FGD6: variants seen among roughly 807,000 people sequenced by gnomAD.
FGD6 encodes FYVE, RhoGEF and PH domain containing 6, also known as FYVE, RhoGEF and PH domain-containing protein 6.
Under a neutral mutation model 149.4 loss-of-function variants are expected in FGD6, and 90 were observed. The observed-to-expected ratio is 0.60, with a 90% CI of 0.51 to 0.72. The LOEUF is 0.72. Among genes scored for constraint, FGD6 ranks in the 30% least tolerant of loss-of-function variants. FGD6 has a pLI of 0.00. For missense variants in FGD6, 1,437 were observed against 1,684.8 expected, an observed-to-expected ratio of 0.85 and a Z score of 2.57; for synonymous variants, 527 against 584.0, an observed-to-expected ratio of 0.90 and a Z score of 1.41.
chr12:95,171,766 C>T (rs192089742), intron 3 of FGD6, among the ~76,000 whole-genome samples: 245 of 152,186 alleles, frequency 1.6e-3, no homozygotes, highest in Middle Eastern at 3.4e-3. Flanking sequence ...CCACCCCCCT[C>T]GGTCTCCCAA....
chr12:95,106,396 G>A (rs1878626005), intron 13 of FGD6, among the ~76,000 whole-genome samples: 6 of 151,104 alleles, frequency 4.0e-5, no homozygotes, highest in Admixed American at 2.0e-4. Context: ...TCAGCCTCCT[G>A]AGTAGCTGGG....
rs80190429 is a variant in FGD6, at chr12:95,101,532, T to C, written c.3497+3475A>G. On this transcript the variant is annotated intron_variant, in intron 14 of 20. Coordinates refer to ENST00000343958, the MANE Select transcript of FGD6 (RefSeq NM_018351.4). The stretch of plus-strand genomic sequence containing the variant: ...ACTGTTTTTCACCAAGGCTCATTTT[T>C]ACTTGGGAAATAGAAGTGCAATTAA... 9.1e-3 allele frequency among the ~76,000 whole-genome samples: 1,385 copies of C among 152,306 alleles called. 26 individuals carry two copies. The highest frequency in any genetic ancestry group is 0.031 in the African/African-American group (1,304 of 41,554).
intron 14 of FGD6, among the ~76,000 whole-genome samples, chr12:95,104,756 T>G (rs1878553615): frequency 6.6e-6 from 1 of 151,876 alleles, no homozygotes; most frequent in Admixed American, 6.6e-5. Context: ...AAAAAAATAT[T>G]TTTAAAGTTA....
intron 8 of FGD6, among the ~76,000 whole-genome samples, chr12:95,131,992 A>ATTGT (rs1879534555): frequency 6.6e-6 from 1 of 152,164 alleles, no homozygotes; most frequent in Non-Finnish European, 1.5e-5. Context: ...GTGAGCTGAG[A>ATTGT]TTGTGCCACT....
intron 2 of FGD6, among the ~76,000 whole-genome samples, chr12:95,199,614 C>CTTTTTT (rs35515272): frequency 2.3e-5 from 3 of 128,688 alleles, no homozygotes; most frequent in African/African-American, 5.9e-5. Context: ...GAAAAGCTAC[C>CTTTTTT]TTTTTTTTTT....
intron 8 of FGD6, among the ~76,000 whole-genome samples, chr12:95,116,034 G>A (rs919284211): frequency 1.9e-4 from 29 of 150,656 alleles, no homozygotes; most frequent in Admixed American, 6.0e-4. Context: ...AGCATCCCCC[G>A]CAAAATATAA....
intron 2 of FGD6, chr12:95,189,267 G>A (rs1881524721): frequency 6.6e-6 from 1 of 152,214 alleles, no homozygotes; most frequent in South Asian, 2.1e-4. Context: ...AATTTGTAGA[G>A]TACAAAAGAG....
chr12:95,211,881 T>C (rs1005728704), intron 1 of FGD6, among the ~76,000 whole-genome samples: 68 of 152,288 alleles, frequency 4.5e-4, no homozygotes, highest in East Asian at 3.9e-4. Flanking sequence ...TTGACTTCAG[T>C]TTGGGACCCA....
At chr12:95,140,306 T>G (rs939916850) in intron 6 of FGD6, among the ~76,000 whole-genome samples, 1 of 152,196 alleles carries the variant, frequency 6.6e-6, no homozygotes, top group Non-Finnish European at 1.5e-5. Context: ...ACCAACCTTT[T>G]GGTATTCTTT....
At chr12:95,180,183 T>C (rs1190188155) in intron 2 of FGD6, among the ~76,000 whole-genome samples, 1 of 151,954 alleles carries the variant, frequency 6.6e-6, no homozygotes, top group Non-Finnish European at 1.5e-5. Flanking sequence ...GTGCTCCTAT[T>C]TGTGTAGAGA....
intron 2 of FGD6, among the ~76,000 whole-genome samples, chr12:95,178,251 G>A (rs11609860): frequency 0.47 from 71,920 of 151,818 alleles, 17,392 homozygotes; most frequent in Admixed American, 0.56. Context: ...AAAAGCAACC[G>A]TCACGTATGC....
At chr12:95,205,611 C>T (rs1047069249) in intron 2 of FGD6, among the ~76,000 whole-genome samples, 1 of 152,182 alleles carries the variant, frequency 6.6e-6, no homozygotes, top group East Asian at 1.9e-4. Context: ...TTTTCAACAG[C>T]GAGATTACCA....
intron 2 of FGD6, among the ~76,000 whole-genome samples, chr12:95,178,494 A>G (rs1286687640): frequency 1.3e-5 from 2 of 152,230 alleles, no homozygotes; most frequent in African/African-American, 2.4e-5. Flanking sequence ...AAGGCTATGG[A>G]TGCTGATGTT....
Position 95,151,545 on chromosome 12 carries a change from G to C in FGD6, c.2685+1266C>G, listed in dbSNP as rs1224449114. On this transcript the variant is annotated intron_variant, in intron 5 of 20. Transcript: ENST00000343958. The stretch of plus-strand genomic sequence containing the variant: ...AGCCTCCCACAGTGCTGGGATTACA[G>C]TCATGAGCCACCACACCATGCCAGG... Among the ~76,000 whole-genome samples the C allele has an allele frequency of 3.3e-5, 5 of 152,152 alleles. No individual in the cohort carries two copies. In the East Asian group the frequency reaches 9.6e-4, roughly 29 times the overall value.
rs576843239 is a variant in FGD6 at position 95,208,212 on chromosome 12, A to C, written c.2441+631T>G. 3.3e-5 allele frequency among the ~76,000 whole-genome samples: 5 copies of C among 152,096 alleles called. 1 individual carries two copies. The highest frequency in any genetic ancestry group is 1.2e-4 in the African/African-American group (5 of 41,478). On this transcript the variant is annotated intron_variant, in intron 2 of 20. Coordinates refer to ENST00000343958, the MANE Select transcript of FGD6 (RefSeq NM_018351.4). ...GGCTGCAGTAAGCCATGATCATACC[A>C]CTGCACTCCAGCCTGGGTGACAGAG...
At chr12:95,108,793 A>G (rs1271468445) in intron 9 of FGD6, among the ~76,000 whole-genome samples, 1 of 152,152 alleles carries the variant, frequency 6.6e-6, no homozygotes, top group African/African-American at 2.4e-5. Flanking sequence ...TAGGGAAACA[A>G]TGAGCCAAAA....
At chr12:95,199,006 G>T (rs1225860296) in intron 2 of FGD6, among the ~76,000 whole-genome samples, 2 of 152,172 alleles carry the variant, frequency 1.3e-5, no homozygotes, top group Non-Finnish European at 2.9e-5. Flanking sequence ...TCTGTGTGTG[G>T]GGCCTCCTTC....
At chr12:95,206,402 G>T in intron 2 of FGD6, among the ~76,000 whole-genome samples, 1 of 152,024 alleles carries the variant, frequency 6.6e-6, no homozygotes, top group East Asian at 1.9e-4. Context: ...TTTATGCCAA[G>T]AACCGGTAGT....
chr12:95,209,338 G>A lies in FGD6; in HGVS notation c.1946C>T (p.Ser649Phe). The A allele has an allele frequency of 6.2e-7, 1 of 1,612,920 alleles. No homozygotes were observed. The highest frequency in any genetic ancestry group is 8.5e-7 in the Non-Finnish European group (1 of 1,179,414). The stretch of plus-strand genomic sequence containing the variant: ...GGTGTCTCCGAGTTGGCTACTCTTG[G>A]ACCAAAATTTTTGAAAGTCACTCTT... ...FMKSDFQKFW[S>F]KSSQLGDTTT... Residue 649 changes from serine (S) to phenylalanine (F), a missense_variant, in exon 2 of 21, where the codon TCC becomes TTC. Transcript: ENST00000343958.
Sources: allele counts gnomAD v4.1 joint callset (sites outside exome capture counted in the v4.1 genomes callset), GRCh38; gene constraint gnomAD v4.1.1; transcripts MANE v1.5; gene names NCBI Gene and HGNC (gene_info 2026-07-23, HGNC 2026-07-21).